The following OR6N1 variants were observed in gnomAD, a reference collection of about 807,000 sequenced individuals.
OR6N1 encodes the protein olfactory receptor family 6 subfamily N member 1.
For synonymous variants in OR6N1, 170 were observed against 150.7 expected (o/e 1.13, Z -0.94); for missense variants, 394 against 371.7 (o/e 1.06, Z -0.49).
chr1:158,829,493 C>G, the OR6N1 span, among the ~76,000 whole-genome samples: 1 of 152,192 alleles, frequency 6.6e-6, no homozygotes, highest in Non-Finnish European at 1.5e-5. Flanking sequence ...CAGTTCCCAA[C>G]AAGTCCCTCA....
chr1:158,827,822 T>C, the OR6N1 span, among the ~76,000 whole-genome samples: 1 of 152,224 alleles, frequency 6.6e-6, no homozygotes, highest in Non-Finnish European at 1.5e-5. Context: ...TCCATCTTCA[T>C]CCTGCTGATA....
At chr1:158,813,053 T>C in the OR6N1 span, among the ~76,000 whole-genome samples, 1 of 152,230 alleles carries the variant, frequency 6.6e-6, no homozygotes, top group African/African-American at 2.4e-5. Flanking sequence ...AATGCAATTT[T>C]AAATTACAAT....
chr1:158,790,561 C>T, the OR6N1 span, among the ~76,000 whole-genome samples: 7,824 of 152,006 alleles, frequency 0.051, 233 homozygotes, highest in East Asian at 0.11. Flanking sequence ...CTCGCCACCA[C>T]GCCTGGCTAA....
the OR6N1 span, among the ~76,000 whole-genome samples, chr1:158,805,058 C>G: frequency 6.6e-6 from 1 of 152,128 alleles, no homozygotes; most frequent in Non-Finnish European, 1.5e-5. Flanking sequence ...AGCAAATAAA[C>G]TTTTAAAACA....
chr1:158,836,869 A>G, the OR6N1 span, among the ~76,000 whole-genome samples: 1 of 151,794 alleles, frequency 6.6e-6, no homozygotes, highest in Admixed American at 6.6e-5. Flanking sequence ...TACCCTCATC[A>G]CCATATTCTT....
chr1:158,782,596 A>G, the OR6N1 span, among the ~76,000 whole-genome samples: 3 of 152,188 alleles, frequency 2.0e-5, no homozygotes, highest in Admixed American at 6.5e-5. Flanking sequence ...ATTTTAGGTG[A>G]GGAGGAAGGG....
At chr1:158,787,633 TCTCACACA>T in the OR6N1 span, among the ~76,000 whole-genome samples, 1 of 114,656 alleles carries the variant, frequency 8.7e-6, no homozygotes, top group Non-Finnish European at 1.8e-5. Context: ...TCTCTCTCTC[TCTCACACA>T]CACACACACA....
the OR6N1 span, among the ~76,000 whole-genome samples, chr1:158,800,846 A>G: frequency 6.6e-6 from 1 of 152,230 alleles, no homozygotes; most frequent in Non-Finnish European, 1.5e-5. Flanking sequence ...TGTATCTTCA[A>G]TAAGCTATGG....
the OR6N1 span, among the ~76,000 whole-genome samples, chr1:158,815,154 TG>T: frequency 2.0e-5 from 3 of 152,196 alleles, no homozygotes; most frequent in Admixed American, 1.3e-4. Context: ...AGATGACTCC[TG>T]GTGTGGTCAC....
At chr1:158,773,492 C>T (rs1472296847), upstream of OR6N1, among the ~76,000 whole-genome samples, 1 of 152,090 alleles carries the variant, frequency 6.6e-6, no homozygotes, top group East Asian at 1.9e-4. Flanking sequence ...AATTCTGCTA[C>T]CCTCCCCTCC....
At chr1:158,788,633 C>T in the OR6N1 span, among the ~76,000 whole-genome samples, 1 of 152,192 alleles carries the variant, frequency 6.6e-6, no homozygotes, top group South Asian at 2.1e-4. Context: ...GTATAGCCAT[C>T]ACTTTAAGTA....
chr1:158,776,044 G>C (rs924270391), upstream of OR6N1: 3 of 151,644 alleles, frequency 2.0e-5, no homozygotes, highest in African/African-American at 7.3e-5. Flanking sequence ...AAATCCATAA[G>C]AATAACTCCG....
the OR6N1 span, among the ~76,000 whole-genome samples, chr1:158,837,971 T>A: frequency 1.3e-5 from 2 of 151,968 alleles, no homozygotes; most frequent in African/African-American, 4.8e-5. Context: ...TTCAATCATA[T>A]GCAAAATGTT....
the OR6N1 span, among the ~76,000 whole-genome samples, chr1:158,830,503 G>C: frequency 6.6e-6 from 1 of 152,096 alleles, no homozygotes; most frequent in Non-Finnish European, 1.5e-5. Context: ...TTACAGATCA[G>C]CTAGTTGGTA....
chr1:158,794,290 A>G, the OR6N1 span, among the ~76,000 whole-genome samples: 1 of 152,160 alleles, frequency 6.6e-6, no homozygotes, highest in African/African-American at 2.4e-5. Context: ...ACATTCCCCA[A>G]CTAGCCCAGC....
chr1:158,837,099 T>C, the OR6N1 span, among the ~76,000 whole-genome samples: 1 of 151,892 alleles, frequency 6.6e-6, no homozygotes, highest in East Asian at 1.9e-4. Context: ...TATTAACACT[T>C]GTTTGGCATC....
At chr1:158,838,427 T>C in the OR6N1 span, among the ~76,000 whole-genome samples, 5 of 152,102 alleles carry the variant, frequency 3.3e-5, no homozygotes, top group Non-Finnish European at 7.4e-5. Context: ...GTCTACAAAG[T>C]ATTTGCTGAA....
the OR6N1 span, among the ~76,000 whole-genome samples, chr1:158,821,742 C>A: frequency 6.6e-6 from 1 of 152,162 alleles, no homozygotes; most frequent in Non-Finnish European, 1.5e-5. Flanking sequence ...AGGCTATAAT[C>A]ATGTCTGAAG....
At chr1:158,801,231 G>A in the OR6N1 span, among the ~76,000 whole-genome samples, 7 of 151,972 alleles carry the variant, frequency 4.6e-5, no homozygotes, top group African/African-American at 1.7e-4. Flanking sequence ...AGAAAAAGGT[G>A]GGGGTGGCGG....
Sources: gnomAD v4.1 joint callset for allele counts (sites outside exome capture counted in the v4.1 genomes callset) on GRCh38, gnomAD v4.1.1 for gene constraint, MANE v1.5 for transcripts, NCBI Gene and HGNC (gene_info 2026-07-23, HGNC 2026-07-21) for gene names.